PACSIN1: variants seen among roughly 807,000 people sequenced by gnomAD.
PACSIN1 encodes protein kinase C and casein kinase substrate in neurons protein 1.
Under a neutral mutation model 59.5 loss-of-function variants are expected in PACSIN1, and 15 were observed. The ratio of observed to expected loss-of-function variants is 0.25; its 90% CI spans 0.17 to 0.39. The LOEUF (loss-of-function observed/expected upper bound fraction) is 0.39. Among genes scored for constraint, PACSIN1 ranks in the 10% least tolerant of loss-of-function variants. PACSIN1 has a pLI of 1.00. For synonymous variants in PACSIN1, 210 were observed against 220.6 expected (o/e 0.95, Z 0.42); for missense variants, 420 against 580.2 (o/e 0.72, Z 2.84).
At chr6:34,490,416 C>T (rs765100996) in intron 1 of PACSIN1, among the ~76,000 whole-genome samples, 1 of 152,000 alleles carries the variant, frequency 6.6e-6, no homozygotes, top group Non-Finnish European at 1.5e-5. Flanking sequence ...GTTTGCTGCC[C>T]TTCTGGCTTG....
intron 1 of PACSIN1, among the ~76,000 whole-genome samples, chr6:34,483,001 C>CTTTTTTTTTT (rs34111587): frequency 8.9e-6 from 1 of 112,018 alleles, no homozygotes; most frequent in East Asian, 2.7e-4. Context: ...CCATGTTTAA[C>CTTTTTTTTTT]TTTTTTTTTT....
Position 34,533,111 on chromosome 6 carries a change from C to T in PACSIN1, c.*581C>T, listed in dbSNP as rs1767632289. On this transcript the variant is annotated 3_prime_UTR_variant, in exon 10 of 10. Transcript: ENST00000244458. ...GGACTGGAGGAGGAACGGTCACCCT[C>T]CTCCCCCATGGAGGTTTCCAGGGGT... 1 of 152,418 alleles carries T rather than the reference C, an allele frequency of 6.6e-6. No individual in the cohort carries two copies. Among genetic ancestry groups the T allele is most frequent in the Non-Finnish European group, 1.5e-5 (1 of 68,208 alleles). The allele number at this position is 152,418 out of a possible 1,614,324, so 9.4% of individuals were successfully genotyped here. A position where few individuals can be genotyped will look rare whatever the true frequency, so the allele number is the denominator to read the frequency against.
Position 34,529,382 on chromosome 6 carries a change from C to A in PACSIN1, c.457-15C>A. 2 of 1,604,754 alleles carry A rather than the reference C, an allele frequency of 1.2e-6. No individual in the cohort carries two copies. The highest frequency in any genetic ancestry group is 1.7e-5 in the Admixed American group (1 of 59,072). On this transcript the variant is annotated splice_polypyrimidine_tract_variant and intron_variant, in intron 4 of 9. Coordinates refer to ENST00000244458, the MANE Select transcript of PACSIN1 (RefSeq NM_020804.5). This position sits in a 1 kb window ranked among gnomAD's most constrained non-coding sequence, Gnocchi z 6.3. Reference sequence around the variant, plus strand: ...ACAAATGAAAACCCTACTCCCTATTCCCCCCTCCCCACAGCTGGAGGCAGC... The same window carrying A: ...ACAAATGAAAACCCTACTCCCTATTACCCCCTCCCCACAGCTGGAGGCAGC...
At chr6:34,501,270 G>A (rs538902632) in intron 1 of PACSIN1, among the ~76,000 whole-genome samples, 260 of 152,354 alleles carry the variant, frequency 1.7e-3, no homozygotes, top group Middle Eastern at 3.4e-3. Flanking sequence ...ATTACTTAGC[G>A]TGTATAGTTT....
In PACSIN1 at chr6:34,531,056, A is replaced by AC. The variant is rs1288748882; in HGVS notation, c.1037+473dup. Among the ~76,000 whole-genome samples the AC allele has an allele frequency of 6.6e-6, 1 of 151,984 alleles. No individual in the cohort carries two copies. Among genetic ancestry groups the AC allele is most frequent in the Non-Finnish European group, 1.5e-5 (1 of 68,004 alleles). On this transcript the variant is annotated intron_variant, in intron 8 of 9. Coordinates refer to ENST00000244458, the MANE Select transcript of PACSIN1 (RefSeq NM_020804.5). This position sits in a 1 kb window ranked among gnomAD's most constrained non-coding sequence, Gnocchi z 4.4. ...ACTGTCTGCAGCCCCAGGGTTGGGG[A>AC]CCCCGGTCCAGATCACAGGAACCAA...
Position 34,532,693 on chromosome 6 carries a change from G to A in PACSIN1, c.*163G>A, listed in dbSNP as rs933106532. On this transcript the variant is annotated 3_prime_UTR_variant, in exon 10 of 10. Transcript: ENST00000244458. This position sits in a 1 kb window ranked among gnomAD's most constrained non-coding sequence, Gnocchi z 5.2. ...ACAAAACAAAGTATGCAGAGACAGA[G>A]CATTTGCAGGGCCACCTGGAGGCTG... 3.4e-6 allele frequency: 2 copies of A among 595,560 alleles called. No homozygotes were observed. Among genetic ancestry groups the A allele is most frequent in the Non-Finnish European group, 6.0e-6 (2 of 333,956 alleles). 36.9% of individuals were successfully genotyped at this position (595,560 alleles called of 1,614,324 possible).
chr6:34,532,278 G>A lies in PACSIN1; in HGVS notation c.1226-143G>A, dbSNP rs555246807. 2.3e-4 allele frequency: 146 copies of A among 625,036 alleles called. 4 individuals are homozygous for A. In the South Asian group the frequency reaches 2.6e-3, roughly 11 times the overall value. The allele number at this position is 625,036 out of a possible 1,614,324, so 38.7% of individuals were successfully genotyped here. ...ACGTGAATGTTGGCGTGGGACTGGG[G>A]CTGGTTTCCAGGGGCGGGGCCTAAG... On this transcript the variant is annotated intron_variant, in intron 9 of 9. Transcript: ENST00000244458. The surrounding 1 kb of genome is among the most constrained non-coding windows in gnomAD (Gnocchi z 5.2).
In PACSIN1 at chr6:34,527,484, G is replaced by C; in HGVS notation, c.216G>C (p.Glu72Asp). The C allele has an allele frequency of 6.3e-7, 1 of 1,590,402 alleles. No individual in the cohort carries two copies. The highest frequency in any genetic ancestry group is 1.1e-5 in the South Asian group (1 of 87,050). Reference protein sequence around the residue: ...DWAKRWRQLIEKGPQYGSLER... With the variant: ...DWAKRWRQLIDKGPQYGSLER... ...CCAAGCGTTGGCGCCAGCTCATCGA[G>C]AAAGGTGCTCCCCCAGGCTCACATC... The change falls in exon 3 of 10, where the codon GAG becomes GAC. Residue 72 changes from glutamate to aspartate, a missense_variant. By Grantham distance (45) the Glu-to-Asp change is conservative (BLOSUM62 2). Coordinates refer to ENST00000244458, the MANE Select transcript of PACSIN1 (RefSeq NM_020804.5).
Position 34,534,918 on chromosome 6 carries a change from G to C in PACSIN1, c.*2388G>C, listed in dbSNP as rs1767667199. On this transcript the variant is annotated 3_prime_UTR_variant, in exon 10 of 10. Coordinates refer to ENST00000244458, the MANE Select transcript of PACSIN1 (RefSeq NM_020804.5). ...CGGCCTCCTCCTGTAGCTCCTGCCT[G>C]CACCCACGATGCTGCACGGGCCCGC... The C allele has an allele frequency of 6.5e-6, 1 of 152,776 alleles. No individual in the cohort carries two copies. The highest frequency in any genetic ancestry group is 2.4e-5 in the African/African-American group (1 of 41,464). The allele number at this position is 152,776 out of a possible 1,614,324, so 9.5% of individuals were successfully genotyped here.
intron 1 of PACSIN1, among the ~76,000 whole-genome samples, chr6:34,467,207 C>T (rs1051708295): frequency 1.3e-5 from 2 of 152,240 alleles, no homozygotes; most frequent in African/African-American, 4.8e-5. Flanking sequence ...TCATCACCCT[C>T]CAGCAGCTTC....
At chr6:34,483,156 A>C (rs770635628) in intron 1 of PACSIN1, among the ~76,000 whole-genome samples, 1 of 151,084 alleles carries the variant, frequency 6.6e-6, no homozygotes, top group Non-Finnish European at 1.5e-5. Flanking sequence ...AGGCGTGAGC[A>C]ACCACGCCTG....
At chr6:34,503,106 AC>A (rs1021943550) in intron 1 of PACSIN1, among the ~76,000 whole-genome samples, 12 of 152,196 alleles carry the variant, frequency 7.9e-5, no homozygotes, top group Admixed American at 4.6e-4. Flanking sequence ...CTACAAAAAA[AC>A]AAACCCAAAA....
In PACSIN1 at chr6:34,530,383, G is replaced by A; in HGVS notation, c.909+20G>A. 2 of 1,612,108 alleles carry A rather than the reference G, an allele frequency of 1.2e-6. No homozygotes were observed. Among genetic ancestry groups the A allele is most frequent in the Non-Finnish European group, 1.7e-6 (2 of 1,178,532 alleles). Reference sequence around the variant, plus strand: ...TTTGAGGTGAGGATATGTGGGGATGGGAAGGGGAGCCTGAAGAGGCTGAAA... The same window carrying A: ...TTTGAGGTGAGGATATGTGGGGATGAGAAGGGGAGCCTGAAGAGGCTGAAA... On this transcript the variant is annotated intron_variant, in intron 7 of 9. Transcript: ENST00000244458. The surrounding 1 kb of genome is among the most constrained non-coding windows in gnomAD (Gnocchi z 4.4).
Position 34,529,982 on chromosome 6 carries a change from C to T in PACSIN1, c.788+141C>T. ...GGGTCAAGAAGGATGAGGCTTCAAA[C>T]ACAGGGGCTGTTGAGTGCAAGCTGA... On this transcript the variant is annotated intron_variant, in intron 6 of 9. Coordinates refer to ENST00000244458, the MANE Select transcript of PACSIN1 (RefSeq NM_020804.5). This position sits in a 1 kb window ranked among gnomAD's most constrained non-coding sequence, Gnocchi z 6.3. The T allele has an allele frequency of 9.6e-7, 1 of 1,038,394 alleles. No individual in the cohort carries two copies. Among genetic ancestry groups the T allele is most frequent in the Non-Finnish European group, 1.4e-6 (1 of 717,082 alleles). The allele number at this position is 1,038,394 out of a possible 1,614,324, so 64.3% of individuals were successfully genotyped here. A position where few individuals can be genotyped will look rare whatever the true frequency, so the allele number is the denominator to read the frequency against.
intron 1 of PACSIN1, among the ~76,000 whole-genome samples, chr6:34,512,138 G>A (rs1767212637): frequency 6.6e-6 from 1 of 152,036 alleles, no homozygotes; most frequent in Admixed American, 6.5e-5. Context: ...GGACCTGCAA[G>A]TGGGAGAGTA....
At position 34,532,592 on chromosome 6, in the gene PACSIN1, C is replaced by G. The variant is rs1767621586; in HGVS notation, c.*62C>G. The G allele has an allele frequency of 2.3e-6, 2 of 866,858 alleles. No individual in the cohort carries two copies. Among genetic ancestry groups the G allele is most frequent in the South Asian group, 3.2e-5 (2 of 62,358 alleles). The allele number at this position is 866,858 out of a possible 1,614,324, so 53.7% of individuals were successfully genotyped here. On this transcript the variant is annotated 3_prime_UTR_variant, in exon 10 of 10. Coordinates refer to ENST00000244458, the MANE Select transcript of PACSIN1 (RefSeq NM_020804.5). The surrounding 1 kb of genome is among the most constrained non-coding windows in gnomAD (Gnocchi z 5.2). ...ACTGCCGCCCCTCCCCTCCCACTCT[C>G]GTCTCCTTCCCCTCGCCATAGAGTT... is the stretch of plus-strand genomic sequence containing the variant.
At chr6:34,522,969 C>T (rs1767420909) in intron 1 of PACSIN1, among the ~76,000 whole-genome samples, 1 of 152,252 alleles carries the variant, frequency 6.6e-6, no homozygotes, top group Non-Finnish European at 1.5e-5. Context: ...ATCTTCCTTC[C>T]TCAGTCCACT....
chr6:34,500,916 A>G (rs556475726), intron 1 of PACSIN1, among the ~76,000 whole-genome samples: 11 of 152,196 alleles, frequency 7.2e-5, no homozygotes, highest in Non-Finnish European at 1.6e-4. Flanking sequence ...AGCCTCATGA[A>G]CCAACCTCTG....
At chr6:34,494,999 C>T (rs1766927808) in intron 1 of PACSIN1, among the ~76,000 whole-genome samples, 1 of 152,182 alleles carries the variant, frequency 6.6e-6, no homozygotes, top group South Asian at 2.1e-4. Flanking sequence ...TCATTTGGCT[C>T]AGTTCAAGGC....
Sources: gnomAD v4.1 joint callset for allele counts (sites outside exome capture counted in the v4.1 genomes callset) on GRCh38, gnomAD v4.1.1 for gene constraint, Gnocchi (gnomAD v3.1) non-coding constraint, MANE v1.5 for transcripts, NCBI Gene and HGNC (gene_info 2026-07-23, HGNC 2026-07-21) for gene names.